STXBP5L: variants seen among roughly 807,000 people sequenced by gnomAD.
STXBP5L encodes the protein syntaxin binding protein 5L.
STXBP5L carries 65 observed loss-of-function variants against 144.5 expected under a neutral mutation model. That is an observed-to-expected ratio of 0.45 (90% confidence interval 0.37 to 0.55). The LOEUF (loss-of-function observed/expected upper bound fraction) is 0.55. STXBP5L is among the 20% of genes least tolerant of loss of function. STXBP5L has a pLI of 0.00. For synonymous variants in STXBP5L, 505 were observed against 469.6 expected (o/e 1.08, Z -0.97); for missense variants, 1,298 against 1,405.5 (o/e 0.92, Z 1.22).
intron 3 of STXBP5L, among the ~76,000 whole-genome samples, chr3:120,960,737 A>G (rs1375865993): frequency 6.6e-6 from 1 of 151,870 alleles, no homozygotes; most frequent in Non-Finnish European, 1.5e-5. Flanking sequence ...AGGAAGGGGA[A>G]CATCACACCC....
At chr3:120,948,765 C>T (rs756622572) in intron 2 of STXBP5L, among the ~76,000 whole-genome samples, 6 of 151,666 alleles carry the variant, frequency 4.0e-5, no homozygotes, top group Admixed American at 6.6e-5. Flanking sequence ...TAGTATTTTA[C>T]GGTGTATATA....
chr3:121,186,244 C>A (rs528881046), intron 9 of STXBP5L, among the ~76,000 whole-genome samples: 5 of 152,204 alleles, frequency 3.3e-5, no homozygotes, highest in African/African-American at 4.8e-5. Flanking sequence ...CATCTGCAAA[C>A]AGGGACAATT....
chr3:121,282,943 A>G (rs2051109378), intron 19 of STXBP5L, among the ~76,000 whole-genome samples: 1 of 152,040 alleles, frequency 6.6e-6, no homozygotes, highest in African/African-American at 2.4e-5. Flanking sequence ...CATGGTATCA[A>G]ACACAGATCC....
In STXBP5L at chr3:121,324,411, T is replaced by G. The variant is rs75442949; in HGVS notation, c.2176+5871T>G. 1.8e-3 allele frequency: 1,067 copies of G among 587,836 alleles called. 15 individuals are homozygous for G. The East Asian group carries it at 0.028, about 16-fold the overall frequency. 36.4% of individuals were successfully genotyped at this position (587,836 alleles called of 1,614,324 possible). ...TCTTTCCAAATAGTTATTATGAAAT[T>G]CAGCTTTATTAAAGATAAAAATTAT... On this transcript the variant is annotated intron_variant, in intron 20 of 26. Coordinates refer to ENST00000471454, the MANE Select transcript of STXBP5L (RefSeq NM_001308330.2).
intron 5 of STXBP5L, among the ~76,000 whole-genome samples, chr3:121,082,552 G>T (rs1560104790): frequency 6.6e-6 from 1 of 152,120 alleles, no homozygotes; most frequent in South Asian, 2.1e-4. Flanking sequence ...CCAATGCTTG[G>T]TTAAATACTC....
intron 3 of STXBP5L, among the ~76,000 whole-genome samples, chr3:121,018,173 T>C (rs572296399): frequency 6.6e-6 from 1 of 152,196 alleles, no homozygotes; most frequent in African/African-American, 2.4e-5. Context: ...CAACTTGATC[T>C]ATAGATTCAA....
At chr3:121,039,470 A>G (rs1163243173) in intron 3 of STXBP5L, among the ~76,000 whole-genome samples, 3 of 151,882 alleles carry the variant, frequency 2.0e-5, no homozygotes, top group Non-Finnish European at 4.4e-5. Context: ...TGCTTTAAAC[A>G]GTAAATTATT....
At chr3:121,303,082 G>C (rs1312910121) in intron 19 of STXBP5L, among the ~76,000 whole-genome samples, 2 of 152,116 alleles carry the variant, frequency 1.3e-5, no homozygotes, top group East Asian at 3.9e-4. Context: ...ACTACCATCA[G>C]AGTGAACAGG....
Position 121,318,485 on chromosome 3 carries a change from A to C in STXBP5L, c.2121A>C (p.Glu707Asp). The C allele has an allele frequency of 6.4e-7, 1 of 1,559,860 alleles. No individual in the cohort carries two copies. The highest frequency in any genetic ancestry group is 8.7e-7 in the Non-Finnish European group (1 of 1,155,594). ...KNKQFIAGLT[E>D]LNDSPVPLEL... ...TCATTGTATTTTCAGGTTTAACTGAACTGAATGACAGTCCAGTTCCCCTAG... is the reference window on the plus strand; with the variant it reads ...TCATTGTATTTTCAGGTTTAACTGACCTGAATGACAGTCCAGTTCCCCTAG... The change falls in exon 20 of 27, where the codon GAA (glutamate) becomes GAC (aspartate). Residue 707 changes from glutamate to aspartate, a missense_variant. By Grantham distance (45) the Glu-to-Asp change is conservative. Coordinates refer to ENST00000471454, the MANE Select transcript of STXBP5L (RefSeq NM_001308330.2).
chr3:121,091,429 C>A (rs939016908), intron 5 of STXBP5L, among the ~76,000 whole-genome samples: 15 of 151,990 alleles, frequency 9.9e-5, no homozygotes, highest in African/African-American at 3.6e-4. Context: ...TCCACATCCT[C>A]TCCAGCACCT....
chr3:120,985,586 G>T (rs1942213241), intron 3 of STXBP5L, among the ~76,000 whole-genome samples: 1 of 151,636 alleles, frequency 6.6e-6, no homozygotes, highest in Non-Finnish European at 1.5e-5. Flanking sequence ...TTTGACAACT[G>T]AGTCAATTTC....
chr3:121,101,359 A>C lies in STXBP5L; in HGVS notation c.471-13566A>C, dbSNP rs9835852. On this transcript the variant is annotated intron_variant, in intron 5 of 26. Transcript: ENST00000471454. Reference sequence around the variant, plus strand: ...AAATCCTCAGCAGAATACTAAGAAAAAGAATCCAACAACACAACAAAAAGT... The same window carrying C: ...AAATCCTCAGCAGAATACTAAGAAACAGAATCCAACAACACAACAAAAAGT... 1.6e-4 allele frequency among the ~76,000 whole-genome samples: 23 copies of C among 145,704 alleles called. No homozygotes were observed. In the Admixed American group the frequency reaches 1.6e-3, roughly 10 times the overall value.
intron 5 of STXBP5L, among the ~76,000 whole-genome samples, chr3:121,093,140 G>T (rs1411493993): frequency 6.6e-6 from 1 of 152,264 alleles, no homozygotes; most frequent in East Asian, 1.9e-4. Context: ...TCATGGTGGA[G>T]AAGCTTTTTA....
At chr3:120,982,929 T>C (rs1174998671) in intron 3 of STXBP5L, among the ~76,000 whole-genome samples, 1 of 152,082 alleles carries the variant, frequency 6.6e-6, no homozygotes, top group African/African-American at 2.4e-5. Context: ...CTGCCTGTGA[T>C]AGGGAGGAGT....
chr3:121,112,966 T>G (rs982417447), intron 5 of STXBP5L, among the ~76,000 whole-genome samples: 1 of 152,112 alleles, frequency 6.6e-6, no homozygotes, highest in Non-Finnish European at 1.5e-5. Context: ...TTACTCTTTT[T>G]GGGGGGGTTC....
At chr3:121,069,895 G>GA (rs1363898802) in intron 5 of STXBP5L, among the ~76,000 whole-genome samples, 1 of 152,024 alleles carries the variant, frequency 6.6e-6, no homozygotes, top group African/African-American at 2.4e-5. Flanking sequence ...TCGAAACTCC[G>GA]TCGGATGCTG....
In STXBP5L at chr3:121,378,894, A is replaced by G; in HGVS notation, c.2347+8A>G. 1 of 1,603,362 alleles carries G rather than the reference A, an allele frequency of 6.2e-7. No homozygotes were observed. The highest frequency in any genetic ancestry group is 8.5e-7 in the Non-Finnish European group (1 of 1,174,442). ...TACCAGTTACAACAGAAGGTATGTT[A>G]AACATATTAAATTTTTTTGTTACAG... On this transcript the variant is annotated splice_region_variant and intron_variant, in intron 21 of 26. Transcript: ENST00000471454.
intron 3 of STXBP5L, among the ~76,000 whole-genome samples, chr3:120,977,611 C>G (rs2638579): frequency 6.6e-6 from 1 of 151,890 alleles, no homozygotes; most frequent in Non-Finnish European, 1.5e-5. Flanking sequence ...TTATTTTGCT[C>G]CTTAGTTGAG....
chr3:121,125,861 T>C (rs1037254583), intron 7 of STXBP5L, among the ~76,000 whole-genome samples: 1 of 152,140 alleles, frequency 6.6e-6, no homozygotes, highest in African/African-American at 2.4e-5. Context: ...GGTGTTAACC[T>C]CCCATGGAGA....
Sources: gnomAD v4.1 joint callset for allele counts (sites outside exome capture counted in the v4.1 genomes callset) on GRCh38, gnomAD v4.1.1 for gene constraint, MANE v1.5 for transcripts, NCBI Gene and HGNC (gene_info 2026-07-23, HGNC 2026-07-21) for gene names.